COL5A2: variants seen among roughly 807,000 people sequenced by gnomAD.
The protein encoded by COL5A2 is collagen type V alpha 2 chain, also known as collagen alpha-2(V) chain.
COL5A2 carries 23 observed loss-of-function variants against 208.2 expected under a neutral mutation model. That is an observed-to-expected ratio of 0.11 (90% CI 0.08 to 0.16). The LOEUF (loss-of-function observed/expected upper bound fraction) is 0.16. Among genes scored for constraint, COL5A2 ranks in the 10% least tolerant of loss-of-function variants. The pLI, the probability that COL5A2 is intolerant of heterozygous loss-of-function variation, is 1.00. For synonymous variants in COL5A2, 625 were observed against 628.5 expected (o/e 0.99, Z 0.08); for missense variants, 1,590 against 1,956.4 (o/e 0.81, Z 3.53).
At chr2:189,297,619 T>C in the COL5A2 span, among the ~76,000 whole-genome samples, 1 of 152,196 alleles carries the variant, frequency 6.6e-6, no homozygotes, top group Non-Finnish European at 1.5e-5. Context: ...TTCTTTTAAA[T>C]GTTCTTACAT....
the COL5A2 span, among the ~76,000 whole-genome samples, chr2:189,367,035 G>A: frequency 6.6e-6 from 1 of 152,106 alleles, no homozygotes; most frequent in Non-Finnish European, 1.5e-5. Flanking sequence ...TGAATCTAGC[G>A]CATAGGAAAA....
At chr2:189,059,867 G>C (rs754747440) in intron 31 of COL5A2, among the ~76,000 whole-genome samples, 3 of 151,882 alleles carry the variant, frequency 2.0e-5, no homozygotes, top group African/African-American at 7.2e-5. Context: ...TTACAGGTGT[G>C]AGCCACTGTG....
chr2:189,332,422 T>C, the COL5A2 span, among the ~76,000 whole-genome samples: 1 of 152,200 alleles, frequency 6.6e-6, no homozygotes, highest in East Asian at 1.9e-4. Context: ...TTTCAAAGAA[T>C]TGAAACCATA....
intron 1 of COL5A2, among the ~76,000 whole-genome samples, chr2:189,189,464 A>C (rs1457264487): frequency 6.6e-6 from 1 of 152,168 alleles, no homozygotes; most frequent in Non-Finnish European, 1.5e-5. Flanking sequence ...CCGGAGAATC[A>C]CCTGAGGCCA....
chr2:189,279,538 A>T, the COL5A2 span, among the ~76,000 whole-genome samples: 1 of 151,940 alleles, frequency 6.6e-6, no homozygotes, highest in Non-Finnish European at 1.5e-5. Context: ...GTAAAAAAAA[A>T]AAAAAAAATC....
chr2:189,239,985 T>C, the COL5A2 span, among the ~76,000 whole-genome samples: 3 of 152,142 alleles, frequency 2.0e-5, no homozygotes, highest in Non-Finnish European at 2.9e-5. Flanking sequence ...TGTACTGTTT[T>C]AAGCCACTAG....
chr2:189,069,025 A>G lies in COL5A2; in HGVS notation c.1159-141T>C, dbSNP rs575265806. On this transcript the variant is annotated intron_variant, in intron 18 of 53. Transcript: ENST00000374866. ...AGAGGATTACAAGAGATGCGTGCCC[A>G]ACCAAGCTTAAGGAGCGCACTCACT... 3.2e-5 allele frequency: 22 copies of G among 697,498 alleles called. No homozygotes were observed. The East Asian group carries it at 4.9e-4, about 15-fold the overall frequency. The allele number at this position is 697,498 out of a possible 1,614,324, so 43.2% of individuals were successfully genotyped here.
chr2:189,309,214 C>T, the COL5A2 span, among the ~76,000 whole-genome samples: 1 of 152,292 alleles, frequency 6.6e-6, no homozygotes, highest in Non-Finnish European at 1.5e-5. Context: ...TAATTGGTCA[C>T]AGCCAGCACC....
intron 1 of COL5A2, among the ~76,000 whole-genome samples, chr2:189,159,470 G>GA (rs1195288605): frequency 6.6e-6 from 1 of 152,174 alleles, no homozygotes; most frequent in Non-Finnish European, 1.5e-5. Flanking sequence ...AGCTAAGGCA[G>GA]AAAATCTAAC....
chr2:189,041,482 G>A, intron 50 of COL5A2, 104 bp downstream of exon 50: 1 of 889,298 alleles, frequency 1.1e-6, no homozygotes, highest in Admixed American at 1.7e-5. Context: ...TGTTTTCGGG[G>A]TCCCTTAAGT....
chr2:189,423,023 C>CA, the COL5A2 span, among the ~76,000 whole-genome samples: 804 of 112,796 alleles, frequency 7.1e-3, 7 homozygotes, highest in African/African-American at 0.025. Flanking sequence ...AACTCTGTCT[C>CA]AAAAAAAAAA....
chr2:189,379,142 T>C, the COL5A2 span, among the ~76,000 whole-genome samples: 1 of 152,294 alleles, frequency 6.6e-6, no homozygotes, highest in African/African-American at 2.4e-5. Flanking sequence ...TAGCTTTGTA[T>C]ACAATTTCAG....
chr2:189,247,041 C>A, the COL5A2 span, among the ~76,000 whole-genome samples: 32 of 151,740 alleles, frequency 2.1e-4, no homozygotes, highest in Non-Finnish European at 3.5e-4. Flanking sequence ...CCACACAGAA[C>A]AAAAAAAGCA....
chr2:189,196,075 T>C (rs1403195859), intron 1 of COL5A2, among the ~76,000 whole-genome samples: 2 of 152,240 alleles, frequency 1.3e-5, no homozygotes, highest in African/African-American at 2.4e-5. Flanking sequence ...ATGTCTAATA[T>C]ACAGAATCTA....
In COL5A2 at chr2:189,068,111, G is replaced by T; in HGVS notation, c.1305C>A (p.Gly435=). Residue 435 remains glycine, a splice_region_variant and synonymous_variant, in exon 21 of 54, where the codon GGC becomes GGA. Coordinates refer to ENST00000374866, the MANE Select transcript of COL5A2 (RefSeq NM_000393.5). The part of the protein sequence containing the change: ...DGTPGAKGPT[G]SPGTSGPPGS... ...CAGGAGGACCAGAGGTACCTGGAGA[G>T]CCCTATTAAACAGCAAGAGTGATGT... 1 of 1,612,856 alleles carries T rather than the reference G, an allele frequency of 6.2e-7. No homozygotes were observed. The highest frequency in any genetic ancestry group is 8.5e-7 in the Non-Finnish European group (1 of 1,178,900).
intron 33 of COL5A2, among the ~76,000 whole-genome samples, chr2:189,057,978 C>A (rs1265546857): frequency 6.6e-6 from 1 of 152,062 alleles, no homozygotes; most frequent in Non-Finnish European, 1.5e-5. Context: ...CACATTTCTG[C>A]CTTATGATGC....
chr2:189,336,280 C>G, the COL5A2 span, among the ~76,000 whole-genome samples: 2 of 152,146 alleles, frequency 1.3e-5, no homozygotes, highest in Non-Finnish European at 2.9e-5. Context: ...AACCTTCATA[C>G]ATTGCTGTTG....
At chr2:189,265,017 G>A in the COL5A2 span, among the ~76,000 whole-genome samples, 4 of 152,174 alleles carry the variant, frequency 2.6e-5, no homozygotes, top group South Asian at 8.3e-4. Context: ...GGAGCAGGCA[G>A]AGAGCCTCTT....
intron 24 of COL5A2, among the ~76,000 whole-genome samples, 164 bp from the exon 25 acceptor site, chr2:189,064,819 C>T (rs1399358419): frequency 6.6e-6 from 1 of 152,178 alleles, no homozygotes; most frequent in African/African-American, 2.4e-5. Flanking sequence ...CAACTAGCAT[C>T]CTTCCCCCCT....
Sources: allele counts gnomAD v4.1 joint callset (sites outside exome capture counted in the v4.1 genomes callset), GRCh38; gene constraint gnomAD v4.1.1; transcripts MANE v1.5; gene names NCBI Gene and HGNC (gene_info 2026-07-23, HGNC 2026-07-21).